RBM27: variants seen among roughly 807,000 people sequenced by gnomAD.
RBM27 encodes the protein RNA binding motif protein 27, also known as RNA-binding protein 27.
RBM27 carries 22 observed loss-of-function variants against 135.3 expected under a neutral mutation model. The ratio of observed to expected loss-of-function variants is 0.16; its 90% CI spans 0.12 to 0.23. The LOEUF (loss-of-function observed/expected upper bound fraction) is 0.23, where lower values mean the gene tolerates loss of function less well. RBM27 is among the 10% of genes least tolerant of loss of function. The pLI is 1.00. For synonymous variants in RBM27, 481 were observed against 442.4 expected (o/e 1.09, Z -1.10); for missense variants, 1,009 against 1,281.0 (o/e 0.79, Z 3.24).
intron 6 of RBM27, among the ~76,000 whole-genome samples, chr5:146,232,683 T>G (rs977987953): frequency 6.6e-6 from 1 of 151,982 alleles, no homozygotes; most frequent in African/African-American, 2.4e-5. Flanking sequence ...ATTCTCCTGC[T>G]TCAGCCTCCT....
intron 1 of RBM27, among the ~76,000 whole-genome samples, chr5:146,212,943 G>A (rs975596366): frequency 6.2e-4 from 94 of 152,018 alleles, no homozygotes; most frequent in African/African-American, 1.9e-3. Context: ...TGGTTACCTT[G>A]GCACTATTTT....
intron 2 of RBM27, 21 bp downstream of exon 2, chr5:146,219,124 A>G (rs768505055): frequency 6.7e-7 from 1 of 1,489,460 alleles, no homozygotes. Context: ...TGGGCCTTCA[A>G]TCGAGTATTG....
At chr5:146,242,276 C>T (rs535827256) in intron 8 of RBM27, among the ~76,000 whole-genome samples, 213 of 152,190 alleles carry the variant, frequency 1.4e-3, no homozygotes, top group African/African-American at 4.9e-3. Flanking sequence ...CACTACATAT[C>T]CCCCCCGTTT....
intron 19 of RBM27, among the ~76,000 whole-genome samples, chr5:146,282,335 A>G (rs1431340873): frequency 6.6e-6 from 1 of 152,140 alleles, no homozygotes; most frequent in African/African-American, 2.4e-5. Context: ...TGTTTGGGTT[A>G]TTTCTACTAT....
At position 146,223,603 on chromosome 5, in the gene RBM27, C is replaced by A. The variant is rs1756548409; in HGVS notation, c.303+76C>A. 2.7e-6 allele frequency: 4 copies of A among 1,471,350 alleles called. No individual in the cohort carries two copies. In the South Asian group the frequency reaches 5.6e-5, roughly 20 times the overall value. The allele number at this position is 1,471,350 out of a possible 1,614,324, so 91.1% of individuals were successfully genotyped here. A position where few individuals can be genotyped will look rare whatever the true frequency, so the allele number is the denominator to read the frequency against. Reference sequence around the variant, plus strand: ...CAGTATCCTTAGTTGGAAGTTGAGCCTTTTAAAAGTAATTGTGTATTGATT... The same window carrying A: ...CAGTATCCTTAGTTGGAAGTTGAGCATTTTAAAAGTAATTGTGTATTGATT... On this transcript the variant is annotated intron_variant, in intron 3 of 20. Transcript: ENST00000265271.
At chr5:146,273,999 T>A (rs932681802) in intron 19 of RBM27, among the ~76,000 whole-genome samples, 3 of 152,210 alleles carry the variant, frequency 2.0e-5, no homozygotes, top group Admixed American at 1.3e-4. Flanking sequence ...ATGTATTTTT[T>A]TTGAGACGGA....
intron 1 of RBM27, among the ~76,000 whole-genome samples, chr5:146,209,301 C>T (rs948656141): frequency 1.3e-5 from 2 of 152,160 alleles, no homozygotes; most frequent in Non-Finnish European, 2.9e-5. Flanking sequence ...CAGTCTATTA[C>T]AAGACAGACT....
At chr5:146,273,818 GAATCT>G (rs1166877902) in intron 19 of RBM27, among the ~76,000 whole-genome samples, 2 of 152,136 alleles carry the variant, frequency 1.3e-5, no homozygotes, top group African/African-American at 2.4e-5. Flanking sequence ...AAGCTATTTG[GAATCT>G]AATTCTGGAG....
chr5:146,245,455 G>A (rs762172720), intron 8 of RBM27, among the ~76,000 whole-genome samples: 1 of 152,092 alleles, frequency 6.6e-6, no homozygotes, highest in Non-Finnish European at 1.5e-5. Context: ...GTAACATCCT[G>A]GATTCTAGAG....
intron 1 of RBM27, among the ~76,000 whole-genome samples, chr5:146,205,434 G>A (rs1316368934): frequency 1.3e-5 from 2 of 152,138 alleles, no homozygotes; most frequent in Admixed American, 1.3e-4. Context: ...GTTTTTCGGA[G>A]GTGAAAATAG....
At chr5:146,232,846 C>T (rs1197853680) in intron 6 of RBM27, among the ~76,000 whole-genome samples, 2 of 152,154 alleles carry the variant, frequency 1.3e-5, no homozygotes, top group Admixed American at 6.6e-5. Context: ...ATATTACAGG[C>T]GTGAGCGACT....
In RBM27 at chr5:146,288,921, T is replaced by C. The variant is rs1040032555; in HGVS notation, c.*2891T>C. On this transcript the variant is annotated 3_prime_UTR_variant, in exon 21 of 21. Transcript: ENST00000265271. ...AAAAAAATCATGTGAAAAGGAATAG[T>C]GGTTCCTCTTGATGTATAGTATGCC... 6.6e-6 allele frequency: 1 copy of C among 152,088 alleles called. No homozygotes were observed. Among genetic ancestry groups the C allele is most frequent in the African/African-American group, 2.4e-5 (1 of 41,454 alleles). The allele number at this position is 152,088 out of a possible 1,614,324, so 9.4% of individuals were successfully genotyped here.
intron 19 of RBM27, among the ~76,000 whole-genome samples, chr5:146,274,752 A>G (rs1484350834): frequency 6.6e-6 from 1 of 152,188 alleles, no homozygotes; most frequent in Admixed American, 6.5e-5. Context: ...TTTAAAATAC[A>G]TAGAATATTT....
intron 8 of RBM27, among the ~76,000 whole-genome samples, chr5:146,240,740 A>G (rs1757373059): frequency 6.6e-6 from 1 of 152,184 alleles, no homozygotes; most frequent in African/African-American, 2.4e-5. Context: ...TCTTACATTC[A>G]ACTGAGCTTC....
intron 11 of RBM27, 99 bp from the exon 12 acceptor site, chr5:146,260,646 G>T: frequency 1.0e-6 from 1 of 983,292 alleles, no homozygotes; most frequent in Non-Finnish European, 1.5e-6. Context: ...GCCACAAAAG[G>T]CACTTAAAAA....
chr5:146,226,510 C>G (rs370463243), intron 3 of RBM27, among the ~76,000 whole-genome samples: 3 of 152,114 alleles, frequency 2.0e-5, no homozygotes, highest in South Asian at 4.2e-4. Flanking sequence ...TCCCAAGTAG[C>G]TGGGAATACA....
intron 8 of RBM27, among the ~76,000 whole-genome samples, chr5:146,241,420 G>T (rs1248840582): frequency 6.6e-6 from 1 of 152,164 alleles, no homozygotes; most frequent in Non-Finnish European, 1.5e-5. Flanking sequence ...CCATTTTTCT[G>T]TTTTATTTAA....
At chr5:146,250,704 T>G (rs1757844363) in intron 8 of RBM27, among the ~76,000 whole-genome samples, 1 of 151,644 alleles carries the variant, frequency 6.6e-6, no homozygotes, top group Non-Finnish European at 1.5e-5. Flanking sequence ...AAAGTGCTTC[T>G]TAATATCCAG....
chr5:146,264,909 ATGAAATAAGATCTGATCCTTTTT>A (rs1274200333), intron 14 of RBM27, among the ~76,000 whole-genome samples: 1 of 152,202 alleles, frequency 6.6e-6, no homozygotes, highest in Non-Finnish European at 1.5e-5. Flanking sequence ...TAGGGAAAAG[ATGAAATAAGATCTGATCCTTTTT>A]TTAAAAATTA....
Sources: allele counts gnomAD v4.1 joint callset (sites outside exome capture counted in the v4.1 genomes callset), GRCh38; gene constraint gnomAD v4.1.1; transcripts MANE v1.5; gene names NCBI Gene and HGNC (gene_info 2026-07-23, HGNC 2026-07-21).